Variants in KCNIP3 observed in about 807,000 individuals in gnomAD.
KCNIP3 encodes the protein potassium voltage-gated channel interacting protein 3, also known as calsenilin.
KCNIP3 carries 28 observed loss-of-function variants against 35.0 expected under a neutral mutation model. The observed-to-expected ratio is 0.80, with a 90% CI of 0.59 to 1.10. KCNIP3 has a LOEUF of 1.10. KCNIP3 is among the 50% of genes least tolerant of loss of function. KCNIP3 has a pLI of 0.00. For synonymous variants in KCNIP3, 134 were observed against 133.8 expected, an observed-to-expected ratio of 1.00 and a Z score of -0.01; for missense variants, 295 against 338.4, an observed-to-expected ratio of 0.87 and a Z score of 1.01.
intron 2 of KCNIP3, among the ~76,000 whole-genome samples, chr2:95,323,913 G>C (rs1374972655): frequency 6.6e-6 from 1 of 152,196 alleles, no homozygotes; most frequent in Non-Finnish European, 1.5e-5. Context: ...GCCAGCTCCT[G>C]AGGGCAGGGG....
intron 2 of KCNIP3, among the ~76,000 whole-genome samples, chr2:95,348,315 A>G (rs1310730128): frequency 2.0e-5 from 3 of 152,234 alleles, no homozygotes; most frequent in Admixed American, 6.5e-5. Flanking sequence ...TTCGTGGGAC[A>G]TACAGGTGCT....
At chr2:95,349,264 C>T (rs146252867) in intron 2 of KCNIP3, among the ~76,000 whole-genome samples, 104 of 152,266 alleles carry the variant, frequency 6.8e-4, no homozygotes, top group African/African-American at 2.4e-3. Flanking sequence ...TGTGAGCTAT[C>T]CTCAGTGCCA....
Position 95,383,113 on chromosome 2 carries a change from CCACCCGCCCA to C in KCNIP3, c.661-118_661-109del, listed in dbSNP as rs1165517076. The C allele has an allele frequency of 4.9e-4, 232 of 470,370 alleles. 12 individuals are homozygous for C. The highest frequency in any genetic ancestry group is 1.7e-3 in the East Asian group (43 of 24,768). The allele number at this position is 470,370 out of a possible 1,614,324, so 29.1% of individuals were successfully genotyped here. On this transcript the variant is annotated intron_variant, in intron 7 of 8. Transcript: ENST00000295225. ...GGGGACAAGTTAGAGTGGAGGGAGC[CCACCCGCCCA>C]TCCACCCACCCGCCCATCCACCCAC...
chr2:95,331,968 G>A (rs1338873306), intron 2 of KCNIP3, among the ~76,000 whole-genome samples: 2 of 152,224 alleles, frequency 1.3e-5, no homozygotes, highest in Non-Finnish European at 2.9e-5. Context: ...GTCTGCATGT[G>A]AGAGGTGAAG....
chr2:95,358,682 CA>C (rs1316340098), intron 2 of KCNIP3, among the ~76,000 whole-genome samples: 2 of 152,156 alleles, frequency 1.3e-5, no homozygotes, highest in Non-Finnish European at 2.9e-5. Flanking sequence ...CTTGCTGTGT[CA>C]TAACATGGCG....
intron 1 of KCNIP3, among the ~76,000 whole-genome samples, chr2:95,302,859 C>T (rs1321038390): frequency 6.6e-6 from 1 of 152,302 alleles, no homozygotes; most frequent in South Asian, 2.1e-4. Context: ...CACCCAGGGG[C>T]CCTGGTGGCA....
At chr2:95,339,830 C>A (rs761955777) in intron 2 of KCNIP3, among the ~76,000 whole-genome samples, 6 of 152,122 alleles carry the variant, frequency 3.9e-5, no homozygotes, top group Non-Finnish European at 8.8e-5. Flanking sequence ...AAGTATATTT[C>A]TTTCTCCCTT....
intron 2 of KCNIP3, among the ~76,000 whole-genome samples, chr2:95,343,716 G>A (rs1396655821): frequency 1.3e-5 from 2 of 152,216 alleles, no homozygotes; most frequent in Non-Finnish European, 2.9e-5. Flanking sequence ...AAAATGCAGG[G>A]AGGAAGAGTG....
chr2:95,377,073 C>T lies in KCNIP3; in HGVS notation c.447+1865C>T, dbSNP rs570340695. Reference sequence around the variant, plus strand: ...CCCCACACCCCACCTTGGAGTGGCTCCTGCTCCCATCCCCACGGACCTTCT... The same window carrying T: ...CCCCACACCCCACCTTGGAGTGGCTTCTGCTCCCATCCCCACGGACCTTCT... On this transcript the variant is annotated intron_variant, in intron 5 of 8. Coordinates refer to ENST00000295225, the MANE Select transcript of KCNIP3 (RefSeq NM_013434.5). The surrounding 1 kb of genome is among the most constrained non-coding windows in gnomAD (Gnocchi z 4.7). 3.9e-5 allele frequency among the ~76,000 whole-genome samples: 6 copies of T among 152,330 alleles called. No individual in the cohort carries two copies. Among genetic ancestry groups the T allele is most frequent in the Non-Finnish European group, 5.9e-5 (4 of 68,040 alleles).
In KCNIP3 at chr2:95,374,352, G is replaced by C. The variant is rs1227623834; in HGVS notation, c.238G>C (p.Asp80His). The C allele has an allele frequency of 1.9e-6, 3 of 1,614,162 alleles. No homozygotes were observed. In the South Asian group the frequency reaches 3.3e-5, roughly 18 times the overall value. ...GGTGCGCCACCAGCCAGAGGGGCTG[G>C]ACCAGCTGCAGGCCCAGACCAAGTT... ...STVRHQPEGL[D>H]QLQAQTKFTK... Residue 80 changes from aspartate to histidine, a missense_variant, in exon 3 of 9, where the codon GAC (aspartate) becomes CAC (histidine). Coordinates refer to ENST00000295225, the MANE Select transcript of KCNIP3 (RefSeq NM_013434.5).
intron 2 of KCNIP3, among the ~76,000 whole-genome samples, chr2:95,336,959 T>G (rs1433362735): frequency 6.6e-6 from 1 of 152,188 alleles, no homozygotes; most frequent in Non-Finnish European, 1.5e-5. Flanking sequence ...CAGTTGTTCC[T>G]GCAAGCACTC....
At chr2:95,317,024 G>GCTTCCC (rs1678474771) in intron 2 of KCNIP3, among the ~76,000 whole-genome samples, 1 of 152,190 alleles carries the variant, frequency 6.6e-6, no homozygotes, top group Non-Finnish European at 1.5e-5. Context: ...CAGAGGAACC[G>GCTTCCC]CTTCCCACTT....
Position 95,378,779 on chromosome 2 carries a change from TACAC to T in KCNIP3, c.448-2803_448-2800del, listed in dbSNP as rs1187969010. On this transcript the variant is annotated intron_variant, in intron 5 of 8. Coordinates refer to ENST00000295225, the MANE Select transcript of KCNIP3 (RefSeq NM_013434.5). The surrounding 1 kb of genome is among the most constrained non-coding windows in gnomAD (Gnocchi z 4.0). The stretch of plus-strand genomic sequence containing the variant: ...AACAAAAACAAAATATATATATATA[TACAC>T]ACACACACACACATATATATATATA... Among the ~76,000 whole-genome samples, 2 of 148,408 alleles carry T rather than the reference TACAC, an allele frequency of 1.3e-5. No homozygotes were observed. The highest frequency in any genetic ancestry group is 1.5e-5 in the Non-Finnish European group (1 of 67,098).
rs775397627 is a variant in KCNIP3, at chr2:95,347,128, G to C, written c.182-27168G>C. 11 of 1,607,024 alleles carry C rather than the reference G, an allele frequency of 6.8e-6. No individual in the cohort carries two copies. In the South Asian group the frequency reaches 1.2e-4, roughly 18 times the overall value. On this transcript the variant is annotated intron_variant, in intron 2 of 8. Coordinates refer to ENST00000295225, the MANE Select transcript of KCNIP3 (RefSeq NM_013434.5). ...GGAGCCCATATCCATGGAAGGTAAC[G>C]CGTGGCCACTTGCCCCTTCGCCGCC...
At chr2:95,307,541 C>T (rs1678207137) in intron 1 of KCNIP3, among the ~76,000 whole-genome samples, 1 of 152,216 alleles carries the variant, frequency 6.6e-6, no homozygotes, top group Non-Finnish European at 1.5e-5. Context: ...ACTTTCAGCT[C>T]AACATAGACA....
At chr2:95,302,901 C>T (rs868054506) in intron 1 of KCNIP3, 2 of 152,746 alleles carry the variant, frequency 1.3e-5, no homozygotes, top group African/African-American at 4.8e-5. Flanking sequence ...GTTTTGCATC[C>T]GTTAAGTCTG....
In KCNIP3 at chr2:95,308,312, G is replaced by A. The variant is rs191424161; in HGVS notation, c.16-2043G>A. On this transcript the variant is annotated intron_variant, in intron 1 of 8. Transcript: ENST00000295225. ...GTGAGCCTTGGAGAAGGGGAGGGAC[G>A]TGCAGGGGTTGTTGCCAAGGGTGTG... Among the ~76,000 whole-genome samples, 367 of 152,330 alleles carry A rather than the reference G, an allele frequency of 2.4e-3. 1 individual carries two copies. Among genetic ancestry groups the A allele is most frequent in the South Asian group, 7.9e-3 (38 of 4,826 alleles).
chr2:95,366,687 G>A (rs1055526442), intron 2 of KCNIP3, among the ~76,000 whole-genome samples: 2 of 152,104 alleles, frequency 1.3e-5, no homozygotes, highest in Admixed American at 6.5e-5. Context: ...CACTGCAAGC[G>A]CCCGACATTG....
At chr2:95,346,489 G>C (rs547173112) in intron 2 of KCNIP3, among the ~76,000 whole-genome samples, 35 of 149,934 alleles carry the variant, frequency 2.3e-4, no homozygotes, top group African/African-American at 8.5e-4. Context: ...GGCAGGCGCG[G>C]GGGGGCCGCA....
Sources: gnomAD v4.1 joint callset for allele counts (sites outside exome capture counted in the v4.1 genomes callset) on GRCh38, gnomAD v4.1.1 for gene constraint, Gnocchi (gnomAD v3.1) non-coding constraint, MANE v1.5 for transcripts, NCBI Gene and HGNC (gene_info 2026-07-23, HGNC 2026-07-21) for gene names.